The following MCF2L2 variants were observed in gnomAD, a reference collection of about 807,000 sequenced individuals.
MCF2L2 encodes MCF.2 cell line derived transforming sequence-like 2.
MCF2L2 carries 102 observed loss-of-function variants against 150.2 expected under a neutral mutation model. The observed-to-expected ratio is 0.68, with a 90% CI of 0.58 to 0.80. The LOEUF (loss-of-function observed/expected upper bound fraction) is 0.80. MCF2L2 is among the 30% of genes least tolerant of loss of function. The probability of loss-of-function intolerance (pLI) is 0.00; values close to 1 mark genes in which losing one functional copy is unlikely to be tolerated. For synonymous variants in MCF2L2, 465 were observed against 491.3 expected, an observed-to-expected ratio of 0.95 and a Z score of 0.71; for missense variants, 1,256 against 1,372.8, an observed-to-expected ratio of 0.91 and a Z score of 1.34.
intron 22 of MCF2L2, among the ~76,000 whole-genome samples, chr3:183,213,906 G>A (rs762379881): frequency 1.3e-5 from 2 of 152,192 alleles, no homozygotes; most frequent in Non-Finnish European, 2.9e-5. Flanking sequence ...AGTCTTAGTA[G>A]AAAAGGTACC....
Position 183,179,977 on chromosome 3 carries a change from G to C in MCF2L2, c.3105+94C>G, listed in dbSNP as rs1211134044. 2.9e-6 allele frequency: 3 copies of C among 1,027,198 alleles called. No individual in the cohort carries two copies. The highest frequency in any genetic ancestry group is 1.6e-5 in the African/African-American group (1 of 63,620). The allele number at this position is 1,027,198 out of a possible 1,614,324, so 63.6% of individuals were successfully genotyped here. On this transcript the variant is annotated intron_variant, in intron 28 of 29. Transcript: ENST00000328913. The surrounding 1 kb of genome is among the most constrained non-coding windows in gnomAD (Gnocchi z 4.2). ...CCTTATGGGTGAGAATCCTGAGGAG[G>C]GGGAGAGGGATGGAGGCTAGGGACA...
chr3:183,400,903 C>A (rs1249255671), intron 1 of MCF2L2, among the ~76,000 whole-genome samples: 1 of 152,120 alleles, frequency 6.6e-6, no homozygotes, highest in Non-Finnish European at 1.5e-5. Context: ...CCCTCCTTCT[C>A]TTCTAACCTC....
At chr3:183,307,789 C>T (rs1295313743) in intron 10 of MCF2L2, among the ~76,000 whole-genome samples, 1 of 152,262 alleles carries the variant, frequency 6.6e-6, no homozygotes, top group East Asian at 1.9e-4. Context: ...CAAATCCTCA[C>T]AAAAGATCTC....
At chr3:183,368,596 T>G (rs901766704) in intron 3 of MCF2L2, among the ~76,000 whole-genome samples, 1 of 152,084 alleles carries the variant, frequency 6.6e-6, no homozygotes, top group African/African-American at 2.4e-5. Flanking sequence ...AAACTCCATC[T>G]CTACTAAAAA....
At chr3:183,260,838 TGGAC>T (rs1725517665) in intron 15 of MCF2L2, among the ~76,000 whole-genome samples, 1 of 152,256 alleles carries the variant, frequency 6.6e-6, no homozygotes, top group African/African-American at 2.4e-5. Context: ...TTAAAGTCTT[TGGAC>T]TAACACTGAA....
chr3:183,288,606 T>C (rs1278458574), intron 14 of MCF2L2, among the ~76,000 whole-genome samples: 1 of 151,844 alleles, frequency 6.6e-6, no homozygotes, highest in Non-Finnish European at 1.5e-5. Context: ...CTCAGCCTCC[T>C]GAGTAGCTGG....
chr3:183,374,362 C>A (rs572662411), intron 3 of MCF2L2: 3 of 152,254 alleles, frequency 2.0e-5, no homozygotes, highest in South Asian at 2.1e-4. Context: ...TCAGACCCTG[C>A]GTTAGATAGA....
intron 1 of MCF2L2, 96 bp from the exon 2 acceptor site, chr3:183,389,875 C>G: frequency 1.0e-6 from 1 of 959,132 alleles, no homozygotes; most frequent in Non-Finnish European, 1.7e-6. Context: ...ATTGGGAAAT[C>G]TGGGACTTAT....
rs555655484 is a variant in MCF2L2, at chr3:183,340,907, C to G, written c.366+633G>C. On this transcript the variant is annotated intron_variant, in intron 4 of 29. Transcript: ENST00000328913. ...GCAGTCAGCTGAGATTGCGCCACTG[C>G]ACTCCAGCCTGGGCGACAGAGTGAG... 4.6e-5 allele frequency among the ~76,000 whole-genome samples: 7 copies of G among 152,334 alleles called. No homozygotes were observed. The East Asian group carries it at 1.4e-3, about 29-fold the overall frequency.
intron 10 of MCF2L2, among the ~76,000 whole-genome samples, chr3:183,301,793 C>CAAAA (rs200514561): frequency 6.2e-4 from 77 of 124,328 alleles, no homozygotes; most frequent in African/African-American, 2.3e-3. Context: ...GCTCTGTCTC[C>CAAAA]AAAAAAAAAA....
chr3:183,179,807 G>C lies in MCF2L2; in HGVS notation c.3106-115C>G, dbSNP rs1721454433. On this transcript the variant is annotated intron_variant, in intron 28 of 29. Coordinates refer to ENST00000328913, the MANE Select transcript of MCF2L2 (RefSeq NM_015078.4). The surrounding 1 kb of genome is among the most constrained non-coding windows in gnomAD (Gnocchi z 4.2). The stretch of plus-strand genomic sequence containing the variant: ...AGGCCCACCCCAGCCCTCCCACCTG[G>C]GCCACGGGGCTCTCAGCGGGAGCCC... 8.9e-6 allele frequency: 8 copies of C among 903,312 alleles called. No individual in the cohort carries two copies. The South Asian group carries it at 1.1e-4, about 13-fold the overall frequency. The allele number at this position is 903,312 out of a possible 1,614,324, so 56.0% of individuals were successfully genotyped here.
intron 1 of MCF2L2, among the ~76,000 whole-genome samples, chr3:183,421,608 G>T (rs1375519017): frequency 1.3e-5 from 2 of 152,268 alleles, no homozygotes; most frequent in Admixed American, 6.5e-5. Flanking sequence ...TATTGCGGCT[G>T]TACTGAAGTT....
intron 15 of MCF2L2, among the ~76,000 whole-genome samples, chr3:183,255,889 G>A (rs1343539984): frequency 1.3e-5 from 2 of 151,954 alleles, no homozygotes; most frequent in Non-Finnish European, 2.9e-5. Context: ...GTTTTGAAAT[G>A]GGTCATCTTT....
Position 183,311,715 on chromosome 3 carries a change from G to A in MCF2L2, c.811C>T (p.Pro271Ser). ...GTTLLSCIQE[P>S]ATKCPNSKLN... ...TTGCTGTTGGGACATTTGGTTGCTGGTTCTTGGATGCATGACAGCAATGTG... is the reference window on the plus strand; with the variant it reads ...TTGCTGTTGGGACATTTGGTTGCTGATTCTTGGATGCATGACAGCAATGTG... Residue 271 changes from proline (P) to serine (S), a missense_variant, in exon 8 of 30, where the codon CCA (proline) becomes TCA (serine). Coordinates refer to ENST00000328913, the MANE Select transcript of MCF2L2 (RefSeq NM_015078.4). The A allele has an allele frequency of 1.9e-6, 3 of 1,614,038 alleles. No homozygotes were observed. Among genetic ancestry groups the A allele is most frequent in the Middle Eastern group, 3.3e-4 (2 of 6,062 alleles).
intron 15 of MCF2L2, among the ~76,000 whole-genome samples, chr3:183,275,642 T>C (rs1395572628): frequency 6.6e-6 from 1 of 152,178 alleles, no homozygotes; most frequent in Non-Finnish European, 1.5e-5. Flanking sequence ...AGGGTTTTGC[T>C]CTGTCACCCA....
chr3:183,296,975 C>T lies in MCF2L2; in HGVS notation c.1497+1G>A. The T allele has an allele frequency of 6.2e-7, 1 of 1,613,006 alleles. No homozygotes were observed. The highest frequency in any genetic ancestry group is 8.5e-7 in the Non-Finnish European group (1 of 1,179,302). On this transcript the variant is annotated splice_donor_variant, in intron 12 of 29. Coordinates refer to ENST00000328913, the MANE Select transcript of MCF2L2 (RefSeq NM_015078.4). LOFTEE classifies it high-confidence loss of function. ...GGATCAAAATAACCCGGAAGCATTACCTTTGCATCGAGGGTGAGCAGCAAC... is the reference window on the plus strand; with the variant it reads ...GGATCAAAATAACCCGGAAGCATTATCTTTGCATCGAGGGTGAGCAGCAAC...
At chr3:183,420,377 G>A (rs1284053995) in intron 1 of MCF2L2, among the ~76,000 whole-genome samples, 1 of 152,180 alleles carries the variant, frequency 6.6e-6, no homozygotes, top group Non-Finnish European at 1.5e-5. Flanking sequence ...CAAGGCAGGT[G>A]GATCACAAGG....
chr3:183,368,818 C>T (rs905552873), intron 3 of MCF2L2, among the ~76,000 whole-genome samples: 1 of 152,088 alleles, frequency 6.6e-6, no homozygotes, highest in Admixed American at 6.6e-5. Context: ...AAAAGTTGGC[C>T]GACCTCTGAC....
At chr3:183,363,850 T>TA (rs1284178748) in intron 3 of MCF2L2, among the ~76,000 whole-genome samples, 1 of 152,196 alleles carries the variant, frequency 6.6e-6, no homozygotes, top group East Asian at 1.9e-4. Context: ...ATAAGGAAGA[T>TA]ATAATGAATA....
Sources: gnomAD v4.1 joint callset for allele counts (sites outside exome capture counted in the v4.1 genomes callset) on GRCh38, gnomAD v4.1.1 for gene constraint, Gnocchi (gnomAD v3.1) non-coding constraint, MANE v1.5 for transcripts, NCBI Gene and HGNC (gene_info 2026-07-23, HGNC 2026-07-21) for gene names.